The following ARFGEF1 variants were observed in gnomAD, a reference collection of about 807,000 sequenced individuals.
ARFGEF1 encodes ARF guanine nucleotide exchange factor 1, also known as brefeldin A-inhibited guanine nucleotide-exchange protein 1.
Under a neutral mutation model 231.0 loss-of-function variants are expected in ARFGEF1, and 42 were observed. The ratio of observed to expected loss-of-function variants is 0.18; its 90% CI spans 0.14 to 0.24. ARFGEF1 has a LOEUF of 0.24. Ranked by LOEUF, ARFGEF1 falls within the 10% of genes least tolerant of loss-of-function variation. ARFGEF1 has a pLI of 1.00. For missense variants in ARFGEF1, 1,345 were observed against 2,192.0 expected (o/e 0.61, Z 7.72); for synonymous variants, 710 against 732.3 (o/e 0.97, Z 0.49).
At chr8:67,189,761 T>C (rs992573576) in intron 5 of ARFGEF1, among the ~76,000 whole-genome samples, 4 of 152,032 alleles carry the variant, frequency 2.6e-5, no homozygotes, top group Non-Finnish European at 5.9e-5. Flanking sequence ...AATAACATCA[T>C]CCCCCCAAAT....
At chr8:67,174,532 G>A (rs975082191), downstream of ARFGEF1, 3 of 152,166 alleles carry the variant, frequency 2.0e-5, no homozygotes, top group Non-Finnish European at 4.4e-5. Flanking sequence ...AGAGGCCGAG[G>A]CGTGTGGATC....
chr8:67,301,139 G>T (rs1806469436), intron 3 of ARFGEF1, 85 bp downstream of exon 3: 2 of 1,281,874 alleles, frequency 1.6e-6, no homozygotes, highest in Middle Eastern at 2.0e-4. Context: ...AGCTTTCATG[G>T]AAATGTCTGA....
chr8:67,329,606 G>GA (rs1217707004), intron 1 of ARFGEF1, among the ~76,000 whole-genome samples: 1 of 149,758 alleles, frequency 6.7e-6, no homozygotes, highest in Non-Finnish European at 1.5e-5. Flanking sequence ...GAAAGAGCTA[G>GA]AAAAAAAGCA....
intron 1 of ARFGEF1, among the ~76,000 whole-genome samples, chr8:67,323,945 C>A (rs1049091425): frequency 1.3e-5 from 2 of 152,014 alleles, no homozygotes; most frequent in Non-Finnish European, 2.9e-5. Flanking sequence ...GGACTACAGG[C>A]ACCTGCCACT....
intron 7 of ARFGEF1, among the ~76,000 whole-genome samples, chr8:67,286,917 T>C (rs1327694020): frequency 6.6e-6 from 1 of 152,208 alleles, no homozygotes; most frequent in South Asian, 2.1e-4. Flanking sequence ...TCAAATTCAG[T>C]ATACCAAAAG....
chr8:67,203,415 C>T (rs1838401740), intron 35 of ARFGEF1, among the ~76,000 whole-genome samples, 164 bp from the exon 36 acceptor site: 1 of 152,302 alleles, frequency 6.6e-6, no homozygotes, highest in African/African-American at 2.4e-5. Flanking sequence ...AGTACGCATC[C>T]TCGTCCCCAA....
intron 1 of ARFGEF1, among the ~76,000 whole-genome samples, chr8:67,321,162 T>TGG (rs891681402): frequency 4.8e-5 from 3 of 62,300 alleles, no homozygotes; most frequent in African/African-American, 1.9e-4. Flanking sequence ...ACTATAAGTA[T>TGG]GGGGGGGGGT....
intron 5 of ARFGEF1, among the ~76,000 whole-genome samples, chr8:67,293,037 G>A (rs189142629): frequency 1.9e-4 from 29 of 152,164 alleles, no homozygotes; most frequent in Non-Finnish European, 3.1e-4. Context: ...ATTTTGTGGG[G>A]GAAGGGGAAA....
chr8:67,311,946 C>T (rs2128922553), intron 1 of ARFGEF1, among the ~76,000 whole-genome samples: 1 of 152,240 alleles, frequency 6.6e-6, no homozygotes, highest in Non-Finnish European at 1.5e-5. Flanking sequence ...ACCCCCAACC[C>T]TGTGCTCTCT....
chr8:67,181,848 C>T (rs151274466), intron 5 of ARFGEF1, among the ~76,000 whole-genome samples: 85 of 152,306 alleles, frequency 5.6e-4, no homozygotes, highest in African/African-American at 1.9e-3. Flanking sequence ...CCTCCAGCCC[C>T]TGGCAGCCAA....
intron 29 of ARFGEF1, among the ~76,000 whole-genome samples, chr8:67,220,850 A>G (rs1839126965): frequency 6.6e-6 from 1 of 151,350 alleles, no homozygotes; most frequent in Non-Finnish European, 1.5e-5. Context: ...ACAAAGATCA[A>G]TCGTTTCCAA....
intron 7 of ARFGEF1, among the ~76,000 whole-genome samples, chr8:67,287,037 G>A (rs1019986548): frequency 2.0e-5 from 3 of 152,134 alleles, no homozygotes; most frequent in South Asian, 2.1e-4. Context: ...AACACTACCT[G>A]TGCAGGAAAG....
intron 19 of ARFGEF1, among the ~76,000 whole-genome samples, chr8:67,240,565 T>C (rs957944988): frequency 1.3e-5 from 2 of 152,302 alleles, no homozygotes; most frequent in African/African-American, 2.4e-5. Flanking sequence ...AAATAATCAA[T>C]ATTCATAAAA....
At chr8:67,250,893 C>G (rs1840262993) in intron 19 of ARFGEF1, among the ~76,000 whole-genome samples, 1 of 152,158 alleles carries the variant, frequency 6.6e-6, no homozygotes, top group South Asian at 2.1e-4. Flanking sequence ...CTTTCTGGGC[C>G]CCAGGCATAT....
chr8:67,192,404 T>C (rs1411397712), intron 5 of ARFGEF1, among the ~76,000 whole-genome samples: 4 of 152,210 alleles, frequency 2.6e-5, no homozygotes, highest in Non-Finnish European at 5.9e-5. Flanking sequence ...GAATTGTCTT[T>C]TTATTGAGTT....
At chr8:67,231,687 A>G (rs1839558865) in intron 23 of ARFGEF1, among the ~76,000 whole-genome samples, 1 of 152,108 alleles carries the variant, frequency 6.6e-6, no homozygotes, top group African/African-American at 2.4e-5. Context: ...GCTCTGCAGT[A>G]GTACATGCAG....
In ARFGEF1 at chr8:67,283,850, G is replaced by A. The variant is rs1805638495; in HGVS notation, c.1027+4105C>T. Among the ~76,000 whole-genome samples, 3 of 152,304 alleles carry A rather than the reference G, an allele frequency of 2.0e-5. No homozygotes were observed. The South Asian group carries it at 6.2e-4, about 32-fold the overall frequency. Reference sequence around the variant, plus strand: ...ATCTTTTAGTACTACCAGCTGTGGAGAGAAAGGCACTCTCATACATTAATG... The same window carrying A: ...ATCTTTTAGTACTACCAGCTGTGGAAAGAAAGGCACTCTCATACATTAATG... On this transcript the variant is annotated intron_variant, in intron 7 of 38. Coordinates refer to ENST00000262215, the MANE Select transcript of ARFGEF1 (RefSeq NM_006421.5).
At chr8:67,184,684 A>C (rs181515255) in intron 5 of ARFGEF1, among the ~76,000 whole-genome samples, 153 of 151,926 alleles carry the variant, frequency 1.0e-3, no homozygotes, top group African/African-American at 3.6e-3. Context: ...AAATCGTGCC[A>C]CTGCACTCCA....
chr8:67,213,809 C>G lies in ARFGEF1; in HGVS notation c.4687-2194G>C, dbSNP rs1466460051. Among the ~76,000 whole-genome samples the G allele has an allele frequency of 3.3e-5, 5 of 152,334 alleles. No homozygotes were observed. In the East Asian group the frequency reaches 9.6e-4, roughly 29 times the overall value. Reference sequence around the variant, plus strand: ...CTGTGAACTGCAGCTTCAGCAGCAGCCCAAGGCTTTCCAGCCTGCCTGCCT... The same window carrying G: ...CTGTGAACTGCAGCTTCAGCAGCAGGCCAAGGCTTTCCAGCCTGCCTGCCT... On this transcript the variant is annotated intron_variant, in intron 33 of 38. Coordinates refer to ENST00000262215, the MANE Select transcript of ARFGEF1 (RefSeq NM_006421.5).
Sources: allele counts gnomAD v4.1 joint callset (sites outside exome capture counted in the v4.1 genomes callset), GRCh38; gene constraint gnomAD v4.1.1; transcripts MANE v1.5; gene names NCBI Gene and HGNC (gene_info 2026-07-23, HGNC 2026-07-21).